Variants in ZZZ3 observed in about 807,000 individuals in gnomAD.
ZZZ3 encodes the protein zinc finger ZZ-type containing 3.
ZZZ3 carries 22 observed loss-of-function variants against 95.2 expected under a neutral mutation model. The observed-to-expected ratio is 0.23, with a 90% CI of 0.17 to 0.33. The LOEUF (loss-of-function observed/expected upper bound fraction) is 0.33, where lower values mean the gene tolerates loss of function less well. ZZZ3 is among the 10% of genes least tolerant of loss of function. The pLI is 1.00. For missense variants in ZZZ3, 885 were observed against 1,066.5 expected (o/e 0.83, Z 2.37); for synonymous variants, 335 against 358.9 (o/e 0.93, Z 0.75).
intron 5 of ZZZ3, among the ~76,000 whole-genome samples, chr1:77,612,721 G>A (rs1570503527): frequency 6.6e-6 from 1 of 151,880 alleles, no homozygotes; most frequent in East Asian, 1.9e-4. Context: ...TCTATATGTG[G>A]AATATTAGAA....
chr1:77,589,037 C>A (rs1663391145), intron 5 of ZZZ3, among the ~76,000 whole-genome samples: 2 of 152,092 alleles, frequency 1.3e-5, no homozygotes, highest in Non-Finnish European at 2.9e-5. Flanking sequence ...CCACCATGCC[C>A]AGCTACTTTT....
rs1671802046 is a variant in ZZZ3 at position 77,671,699 on chromosome 1, C to T, written c.-403+10886G>A. ...TATCTAGCATGTATCTGGCCCACAG[C>T]AAATATCCAATAAATTTTAGTTATT... is the stretch of plus-strand genomic sequence containing the variant. On this transcript the variant is annotated intron_variant, in intron 1 of 14. Coordinates refer to ENST00000370801, the MANE Select transcript of ZZZ3 (RefSeq NM_015534.6). Among the ~76,000 whole-genome samples the T allele has an allele frequency of 2.0e-5, 3 of 152,208 alleles. No individual in the cohort carries two copies. In the South Asian group the frequency reaches 6.2e-4, roughly 32 times the overall value.
At chr1:77,617,991 CTA>C (rs1666479621) in intron 5 of ZZZ3, among the ~76,000 whole-genome samples, 1 of 151,998 alleles carries the variant, frequency 6.6e-6, no homozygotes, top group Non-Finnish European at 1.5e-5. Context: ...TATGGTAATT[CTA>C]TGTTTAACTT....
Position 77,641,663 on chromosome 1 carries a change from G to A in ZZZ3, c.-402-8C>T, listed in dbSNP as rs1668787087. On this transcript the variant is annotated splice_polypyrimidine_tract_variant and splice_region_variant and intron_variant, in intron 1 of 14. Transcript: ENST00000370801. ...ACTAGAATAACTTGATATCTGTGAA[G>A]AGAAACCATAATATAGTCACTATAG... 1 of 397,526 alleles carries A rather than the reference G, an allele frequency of 2.5e-6. No homozygotes were observed. The highest frequency in any genetic ancestry group is 4.4e-5 in the Admixed American group (1 of 22,706). 24.6% of individuals were successfully genotyped at this position (397,526 alleles called of 1,614,324 possible).
chr1:77,603,622 T>A (rs781242906), intron 5 of ZZZ3, among the ~76,000 whole-genome samples: 23 of 152,174 alleles, frequency 1.5e-4, no homozygotes, highest in Non-Finnish European at 2.4e-4. Flanking sequence ...CGGGTGCCCA[T>A]TTCCTGTCCC....
At chr1:77,629,838 T>C (rs1423404458) in intron 5 of ZZZ3, among the ~76,000 whole-genome samples, 1 of 152,196 alleles carries the variant, frequency 6.6e-6, no homozygotes, top group Non-Finnish European at 1.5e-5. Context: ...AAGCACACTA[T>C]ATAAAATGTA....
chr1:77,673,439 A>T (rs1453365490), intron 1 of ZZZ3, among the ~76,000 whole-genome samples: 1 of 152,136 alleles, frequency 6.6e-6, no homozygotes, highest in Non-Finnish European at 1.5e-5. Context: ...TCTACTAAAA[A>T]TACAAAAATT....
chr1:77,630,073 GAACT>G (rs1341965771), intron 5 of ZZZ3, among the ~76,000 whole-genome samples: 3 of 152,132 alleles, frequency 2.0e-5, no homozygotes, highest in South Asian at 2.1e-4. Context: ...GCAAAGAACA[GAACT>G]AACATATATC....
chr1:77,645,303 T>C (rs960124442), intron 1 of ZZZ3: 2 of 152,218 alleles, frequency 1.3e-5, no homozygotes, highest in Non-Finnish European at 1.5e-5. Context: ...TCTAGGTACA[T>C]GTTTAAAATA....
intron 1 of ZZZ3, among the ~76,000 whole-genome samples, chr1:77,679,807 C>A (rs1672585139): frequency 6.6e-6 from 1 of 152,174 alleles, no homozygotes; most frequent in African/African-American, 2.4e-5. Context: ...CAAACACAAA[C>A]CATGTAAAAA....
intron 12 of ZZZ3, among the ~76,000 whole-genome samples, chr1:77,572,705 A>C (rs1661522901): frequency 6.6e-6 from 1 of 151,704 alleles, no homozygotes; most frequent in African/African-American, 2.4e-5. Flanking sequence ...GGCGTCATCC[A>C]GGTTCACTGC....
rs549633574 is a variant in ZZZ3, at chr1:77,593,003, A to G, written c.1506-8348T>C. 9.8e-5 allele frequency among the ~76,000 whole-genome samples: 15 copies of G among 152,346 alleles called. No individual in the cohort carries two copies. The South Asian group carries it at 3.1e-3, about 32-fold the overall frequency. ...TTTGCCTGGAGCAATTTATTGATCC[A>G]GAAGAGAGGACTGAGAGGCTGAGCA... On this transcript the variant is annotated intron_variant, in intron 5 of 14. Transcript: ENST00000370801.
At chr1:77,652,438 C>G (rs986785943) in intron 1 of ZZZ3, among the ~76,000 whole-genome samples, 3 of 152,090 alleles carry the variant, frequency 2.0e-5, no homozygotes, top group Admixed American at 2.0e-4. Flanking sequence ...AAAAAGACAA[C>G]AAAAACATGT....
chr1:77,608,678 T>C (rs1244182978), intron 5 of ZZZ3, among the ~76,000 whole-genome samples: 1 of 152,104 alleles, frequency 6.6e-6, no homozygotes, highest in East Asian at 1.9e-4. Context: ...CAGTCAAAAA[T>C]GACTATAACT....
intron 1 of ZZZ3, among the ~76,000 whole-genome samples, chr1:77,644,761 GTGTGTCTAAGAAATCCC>G (rs1416983606): frequency 1.3e-5 from 2 of 152,164 alleles, no homozygotes; most frequent in African/African-American, 4.8e-5. Flanking sequence ...CCAAATTTTA[GTGTGTCTAAGAAATCCC>G]TGGACCCAAT....
intron 5 of ZZZ3, among the ~76,000 whole-genome samples, chr1:77,611,837 A>C (rs754842290): frequency 1.3e-5 from 2 of 152,014 alleles, no homozygotes; most frequent in Non-Finnish European, 1.5e-5. Flanking sequence ...AATGAAAACG[A>C]GTGAAAGACC....
intron 1 of ZZZ3, among the ~76,000 whole-genome samples, chr1:77,647,037 G>C (rs1473193268): frequency 6.6e-6 from 1 of 152,172 alleles, no homozygotes; most frequent in East Asian, 1.9e-4. Flanking sequence ...CCATAGGCAA[G>C]GGTATGCCAG....
chr1:77,583,796 T>G (rs1662776728), intron 6 of ZZZ3, among the ~76,000 whole-genome samples: 2 of 152,244 alleles, frequency 1.3e-5, no homozygotes, highest in South Asian at 4.1e-4. Flanking sequence ...CTGATTAACA[T>G]TATACCTCTC....
At chr1:77,622,238 C>T (rs978018811) in intron 5 of ZZZ3, among the ~76,000 whole-genome samples, 9 of 151,546 alleles carry the variant, frequency 5.9e-5, no homozygotes, top group African/African-American at 1.9e-4. Flanking sequence ...GCCGGAGGGG[C>T]TGAGGCTGCA....
Sources: gnomAD v4.1 joint callset for allele counts (sites outside exome capture counted in the v4.1 genomes callset) on GRCh38, gnomAD v4.1.1 for gene constraint, MANE v1.5 for transcripts, NCBI Gene and HGNC (gene_info 2026-07-23, HGNC 2026-07-21) for gene names.